TNR: variants seen among roughly 807,000 people sequenced by gnomAD.
TNR encodes the protein tenascin-R.
A neutral mutation model predicts 150.4 loss-of-function variants in TNR; 45 were observed. The observed-to-expected ratio is 0.30, with a 90% CI of 0.24 to 0.38. The LOEUF (loss-of-function observed/expected upper bound fraction) is 0.38, where lower values mean the gene tolerates loss of function less well. Among genes scored for constraint, TNR ranks in the 10% least tolerant of loss-of-function variants. TNR has a pLI of 1.00. For synonymous variants in TNR, 687 were observed against 678.4 expected, an observed-to-expected ratio of 1.01 and a Z score of -0.20; for missense variants, 1,544 against 1,759.1, an observed-to-expected ratio of 0.88 and a Z score of 2.19.
At chr1:175,623,971 C>T (rs1173345566) in intron 1 of TNR, among the ~76,000 whole-genome samples, 1 of 152,168 alleles carries the variant, frequency 6.6e-6, no homozygotes, top group Non-Finnish European at 1.5e-5. Context: ...TCTAAGAATG[C>T]CCTGATGTTT....
chr1:175,463,613 C>T (rs750479825), intron 2 of TNR, among the ~76,000 whole-genome samples: 4 of 152,302 alleles, frequency 2.6e-5, no homozygotes, highest in African/African-American at 4.8e-5. Flanking sequence ...TTCCCTTTCT[C>T]GTAGCCCTTT....
intron 1 of TNR, among the ~76,000 whole-genome samples, chr1:175,655,852 C>G (rs1292473978): frequency 6.6e-6 from 1 of 152,052 alleles, no homozygotes; most frequent in Non-Finnish European, 1.5e-5. Flanking sequence ...TGAGCTGTCA[C>G]TATAAGGACA....
intron 2 of TNR, among the ~76,000 whole-genome samples, chr1:175,415,249 G>A (rs1419559927): frequency 6.6e-6 from 1 of 151,934 alleles, no homozygotes. Flanking sequence ...AGACGAGGGT[G>A]TAATGTGATT....
chr1:175,566,443 C>T (rs1661647588), intron 1 of TNR, among the ~76,000 whole-genome samples: 1 of 152,242 alleles, frequency 6.6e-6, no homozygotes, highest in African/African-American at 2.4e-5. Flanking sequence ...TGCAAGAGAA[C>T]AGCCTGTGCG....
At chr1:175,583,993 G>GTGA (rs1451079308) in intron 1 of TNR, among the ~76,000 whole-genome samples, 2 of 152,174 alleles carry the variant, frequency 1.3e-5, no homozygotes, top group African/African-American at 4.8e-5. Flanking sequence ...GTGGAGCTGT[G>GTGA]TGACCTGGAC....
intron 2 of TNR, among the ~76,000 whole-genome samples, chr1:175,415,188 C>A (rs1315333713): frequency 6.7e-6 from 1 of 149,538 alleles, no homozygotes; most frequent in African/African-American, 2.5e-5. Flanking sequence ...AAATAGTTTC[C>A]TCCCTGCCGT....
At chr1:175,487,259 GT>G (rs1658056008) in intron 2 of TNR, among the ~76,000 whole-genome samples, 1 of 152,162 alleles carries the variant, frequency 6.6e-6, no homozygotes, top group Non-Finnish European at 1.5e-5. Context: ...GCAAGCTTCT[GT>G]GAGAATCTAA....
intron 1 of TNR, among the ~76,000 whole-genome samples, chr1:175,551,471 G>A (rs1479725844): frequency 6.6e-6 from 1 of 152,202 alleles, no homozygotes; most frequent in Admixed American, 6.5e-5. Flanking sequence ...GAATCTCAAA[G>A]AGGACAAAGG....
At chr1:175,407,400 T>C (rs941242798) in intron 2 of TNR, among the ~76,000 whole-genome samples, 5 of 152,206 alleles carry the variant, frequency 3.3e-5, no homozygotes, top group Admixed American at 2.6e-4. Flanking sequence ...GTCAGTATAG[T>C]CCTCATGCTC....
chr1:175,701,409 C>T, intron 1 of TNR, among the ~76,000 whole-genome samples: 1 of 152,180 alleles, frequency 6.6e-6, no homozygotes, highest in Non-Finnish European at 1.5e-5. Flanking sequence ...AACAAACAAA[C>T]AAAAAACACC....
intron 2 of TNR, among the ~76,000 whole-genome samples, chr1:175,526,394 C>G (rs967634824): frequency 6.6e-6 from 1 of 152,170 alleles, no homozygotes; most frequent in Non-Finnish European, 1.5e-5. Flanking sequence ...CCCCTTCCCC[C>G]AGATTACCAT....
intron 2 of TNR, among the ~76,000 whole-genome samples, chr1:175,483,179 C>T (rs1169867825): frequency 6.6e-6 from 1 of 152,132 alleles, no homozygotes; most frequent in Admixed American, 6.5e-5. Context: ...CTGTAGCCTA[C>T]CGGGAAAGAC....
intron 1 of TNR, among the ~76,000 whole-genome samples, chr1:175,621,192 G>T (rs1663963966): frequency 6.6e-6 from 1 of 152,150 alleles, no homozygotes; most frequent in South Asian, 2.1e-4. Flanking sequence ...CAACTGATGG[G>T]CATGATGTAC....
intron 2 of TNR, among the ~76,000 whole-genome samples, chr1:175,419,162 C>T (rs1258439813): frequency 6.6e-6 from 1 of 152,124 alleles, no homozygotes; most frequent in African/African-American, 2.4e-5. Context: ...GCATTTTGCT[C>T]TCCATTAAGT....
intron 1 of TNR, among the ~76,000 whole-genome samples, chr1:175,546,708 A>T (rs1295365146): frequency 6.6e-6 from 1 of 152,188 alleles, no homozygotes; most frequent in Non-Finnish European, 1.5e-5. Flanking sequence ...ACCCCATGTC[A>T]GCTCAGTGTT....
chr1:175,411,004 T>C lies in TNR; in HGVS notation c.-63-4227A>G, dbSNP rs563955448. ...CAAAGTTCATTTCACACAGAAGAACTTACATTTGCTAAAACTATGATATGT... is the reference window on the plus strand; with the variant it reads ...CAAAGTTCATTTCACACAGAAGAACCTACATTTGCTAAAACTATGATATGT... On this transcript the variant is annotated intron_variant, in intron 2 of 22. Coordinates refer to ENST00000367674, the MANE Select transcript of TNR (RefSeq NM_003285.3). Among the ~76,000 whole-genome samples, 11 of 152,318 alleles carry C rather than the reference T, an allele frequency of 7.2e-5. No individual in the cohort carries two copies. The East Asian group carries it at 2.1e-3, about 29-fold the overall frequency.
chr1:175,477,036 T>G (rs1426170408), intron 2 of TNR, among the ~76,000 whole-genome samples: 1 of 152,186 alleles, frequency 6.6e-6, no homozygotes, highest in Admixed American at 6.5e-5. Context: ...GAATGGCTCT[T>G]AAATGTTTCT....
At chr1:175,417,075 G>GAAAGAAAGAAAGAAATAAAT (rs754333098) in intron 2 of TNR, among the ~76,000 whole-genome samples, 1,523 of 137,728 alleles carry the variant, frequency 0.011, 25 homozygotes, top group East Asian at 0.026. Context: ...AAGAAAGAAA[G>GAAAGAAAGAAAGAAATAAAT]AAATCTAAGA....
chr1:175,480,616 T>C (rs1347617246), intron 2 of TNR, among the ~76,000 whole-genome samples: 3 of 152,214 alleles, frequency 2.0e-5, no homozygotes, highest in Non-Finnish European at 4.4e-5. Context: ...CTAAGTATTT[T>C]ACATGACATT....
Sources: allele counts gnomAD v4.1 joint callset (sites outside exome capture counted in the v4.1 genomes callset), GRCh38; gene constraint gnomAD v4.1.1; transcripts MANE v1.5; gene names NCBI Gene and HGNC (gene_info 2026-07-23, HGNC 2026-07-21).